The following LDAF1 variants were observed in gnomAD, a reference collection of about 807,000 sequenced individuals.
LDAF1 encodes the protein lipid droplet assembly factor 1.
Under a neutral mutation model 13.5 loss-of-function variants are expected in LDAF1, and 7 were observed. The observed-to-expected ratio is 0.52, with a 90% CI of 0.29 to 0.97. The LOEUF (loss-of-function observed/expected upper bound fraction) is 0.97, where lower values mean the gene tolerates loss of function less well. LDAF1 is among the 50% of genes least tolerant of loss of function. The probability of loss-of-function intolerance (pLI) is 0.07; values close to 1 mark genes in which losing one functional copy is unlikely to be tolerated. For missense variants in LDAF1, 148 were observed against 193.2 expected (o/e 0.77, Z 1.39); for synonymous variants, 69 against 77.1 (o/e 0.89, Z 0.55).
chr16:21,164,620 T>G (rs1406279136), intron 2 of LDAF1, among the ~76,000 whole-genome samples: 1 of 152,202 alleles, frequency 6.6e-6, no homozygotes, highest in Non-Finnish European at 1.5e-5. Flanking sequence ...TCTGAGATGC[T>G]GTTTGAAGCT....
intron 2 of LDAF1, among the ~76,000 whole-genome samples, chr16:21,168,879 TTATATTATATATTTATATTTA>T (rs1408176892): frequency 7.4e-6 from 1 of 135,304 alleles, no homozygotes; most frequent in Non-Finnish European, 1.5e-5. Context: ...TAATTATAAT[TTATATTATATATTTATATTTA>T]TATATTTATA....
chr16:21,169,186 C>T (rs565247374), intron 2 of LDAF1: 115 of 984,134 alleles, frequency 1.2e-4, no homozygotes, highest in Non-Finnish European at 1.3e-4. Context: ...GGAGGCTGTG[C>T]GACTCTAGAC....
rs909163504 is a variant in LDAF1 at position 21,167,984 on chromosome 16, C to T, written c.97-2453C>T. On this transcript the variant is annotated intron_variant, in intron 2 of 4. Coordinates refer to ENST00000233047, the MANE Select transcript of LDAF1 (RefSeq NM_001301771.2). ...TCTTGCCATTGCACTCCAGCCTGGG[C>T]GACAAGAGCAAAACTCCATCTCAAA... 2.2e-3 allele frequency among the ~76,000 whole-genome samples: 313 copies of T among 139,468 alleles called. 6 individuals carry two copies. The highest frequency in any genetic ancestry group is 3.0e-3 in the South Asian group (13 of 4,276). The allele number at this position is 139,468 out of a possible 152,430, so 91.5% of individuals were successfully genotyped here.
intron 1 of LDAF1, among the ~76,000 whole-genome samples, chr16:21,160,668 CAG>C (rs1394318015): frequency 6.6e-6 from 1 of 152,160 alleles, no homozygotes; most frequent in Non-Finnish European, 1.5e-5. Flanking sequence ...CATAAGCTGT[CAG>C]AGATAATACT....
At chr16:21,173,614 T>C (rs533948072) in intron 3 of LDAF1, among the ~76,000 whole-genome samples, 5 of 152,008 alleles carry the variant, frequency 3.3e-5, no homozygotes, top group African/African-American at 1.2e-4. Context: ...GTCAGGAGGC[T>C]GAAGCCGGGA....
chr16:21,172,282 C>T (rs886694085), intron 3 of LDAF1, among the ~76,000 whole-genome samples: 3 of 151,704 alleles, frequency 2.0e-5, no homozygotes, highest in African/African-American at 7.3e-5. Context: ...CCCATCTCTA[C>T]TAAAAATACA....
chr16:21,171,670 G>A (rs1289633894), intron 3 of LDAF1, among the ~76,000 whole-genome samples: 1 of 152,102 alleles, frequency 6.6e-6, no homozygotes, highest in Non-Finnish European at 1.5e-5. Flanking sequence ...GCAAGGAAGG[G>A]CCTTTTGGAC....
chr16:21,176,645 A>C (rs2093141082), intron 4 of LDAF1, among the ~76,000 whole-genome samples: 1 of 152,190 alleles, frequency 6.6e-6, no homozygotes, highest in Non-Finnish European at 1.5e-5. Context: ...CCTGTCTCAA[A>C]AAACAAATGA....
chr16:21,172,901 G>GAGC (rs2093103224), intron 3 of LDAF1: 1 of 938,716 alleles, frequency 1.1e-6, no homozygotes, highest in Non-Finnish European at 1.3e-6. Flanking sequence ...GCTGTGGGAG[G>GAGC]AGCACTGGGC....
intron 3 of LDAF1, among the ~76,000 whole-genome samples, chr16:21,173,775 G>A (rs2093112648): frequency 6.6e-6 from 1 of 152,126 alleles, no homozygotes; most frequent in South Asian, 2.1e-4. Flanking sequence ...TTGGGAATTG[G>A]GGGGACTGGA....
At chr16:21,168,049 C>T (rs944281760) in intron 2 of LDAF1, among the ~76,000 whole-genome samples, 1 of 150,410 alleles carries the variant, frequency 6.6e-6, no homozygotes, top group Non-Finnish European at 1.5e-5. Context: ...GAGACTTGCT[C>T]TGTCATCCAG....
chr16:21,178,280 T>G (rs2093156907), intron 4 of LDAF1: 1 of 985,238 alleles, frequency 1.0e-6, no homozygotes, highest in South Asian at 4.7e-5. Context: ...CAGCTGTGTT[T>G]ATTTGCAGAG....
At chr16:21,174,858 G>A (rs550057288) in intron 4 of LDAF1, among the ~76,000 whole-genome samples, 5 of 152,220 alleles carry the variant, frequency 3.3e-5, no homozygotes, top group East Asian at 1.9e-4. Context: ...TATGGGAGCC[G>A]TGAATCTTCT....
chr16:21,172,868 C>T (rs2093102813), intron 3 of LDAF1: 9 of 984,080 alleles, frequency 9.1e-6, no homozygotes, highest in Non-Finnish European at 1.1e-5. Flanking sequence ...TTTTCAGGGT[C>T]CCTCCCTGAA....
intron 1 of LDAF1, among the ~76,000 whole-genome samples, chr16:21,160,776 A>T (rs2092964091): frequency 1.3e-5 from 2 of 152,184 alleles, no homozygotes; most frequent in Admixed American, 1.3e-4. Context: ...ATTTATCATT[A>T]TTTAACCAAT....
intron 2 of LDAF1, among the ~76,000 whole-genome samples, chr16:21,168,921 T>C (rs922620669): frequency 7.4e-6 from 1 of 135,716 alleles, no homozygotes; most frequent in African/African-American, 2.7e-5. Flanking sequence ...TTTATTTATA[T>C]TTATATATTT....
intron 1 of LDAF1, chr16:21,159,836 G>A: frequency 1.1e-6 from 1 of 902,632 alleles, no homozygotes. Context: ...AGACCTGTAA[G>A]GGGAACTCCG....
intron 2 of LDAF1, chr16:21,165,716 A>T: frequency 1.4e-6 from 1 of 691,458 alleles, no homozygotes; most frequent in East Asian, 1.4e-4. Flanking sequence ...TGCTCAAATG[A>T]CAGCAGTTTG....
At chr16:21,176,836 G>A (rs2093142559) in intron 4 of LDAF1, among the ~76,000 whole-genome samples, 2 of 151,242 alleles carry the variant, frequency 1.3e-5, no homozygotes, top group South Asian at 4.2e-4. Context: ...GGAGGTTGGG[G>A]GTGCAGTGAG....
Sources: gnomAD v4.1 joint callset for allele counts (sites outside exome capture counted in the v4.1 genomes callset) on GRCh38, gnomAD v4.1.1 for gene constraint, MANE v1.5 for transcripts, NCBI Gene and HGNC (gene_info 2026-07-23, HGNC 2026-07-21) for gene names.